CNTNAP5: variants seen among roughly 807,000 people sequenced by gnomAD.
The protein encoded by CNTNAP5 is contactin-associated protein-like 5.
Under a neutral mutation model 150.2 loss-of-function variants are expected in CNTNAP5, and 72 were observed. The observed-to-expected ratio is 0.48, with a 90% CI of 0.40 to 0.58. The LOEUF (loss-of-function observed/expected upper bound fraction) is 0.58, where lower values mean the gene tolerates loss of function less well. Among genes scored for constraint, CNTNAP5 ranks in the 20% least tolerant of loss-of-function variants. The pLI is 0.00. For missense variants in CNTNAP5, 1,636 were observed against 1,626.2 expected, an observed-to-expected ratio of 1.01 and a Z score of -0.10; for synonymous variants, 672 against 619.8, an observed-to-expected ratio of 1.08 and a Z score of -1.25.
At chr2:124,297,773 C>T (rs921807131) in intron 3 of CNTNAP5, among the ~76,000 whole-genome samples, 3 of 150,874 alleles carry the variant, frequency 2.0e-5, no homozygotes, top group African/African-American at 4.9e-5. Flanking sequence ...TGCCACCCAT[C>T]GGAGAACTAC....
chr2:124,232,826 C>A (rs759820335), intron 2 of CNTNAP5, among the ~76,000 whole-genome samples: 4 of 152,214 alleles, frequency 2.6e-5, no homozygotes, highest in African/African-American at 9.6e-5. Flanking sequence ...AATCAGAAAG[C>A]GTTCTGGGGT....
chr2:124,558,455 G>C (rs1266067214), intron 10 of CNTNAP5, among the ~76,000 whole-genome samples: 1 of 152,276 alleles, frequency 6.6e-6, no homozygotes, highest in African/African-American at 2.4e-5. Flanking sequence ...ACACCCACGT[G>C]GAGCTGTCCA....
chr2:124,902,164 C>T (rs1180044178), intron 21 of CNTNAP5, among the ~76,000 whole-genome samples: 1 of 152,096 alleles, frequency 6.6e-6, no homozygotes, highest in East Asian at 1.9e-4. Context: ...ACTGAGTAAT[C>T]TTACCACCAA....
intron 11 of CNTNAP5, among the ~76,000 whole-genome samples, chr2:124,606,950 C>T (rs1336406222): frequency 1.3e-5 from 2 of 151,952 alleles, no homozygotes; most frequent in African/African-American, 4.8e-5. Context: ...GGAGAGGCAA[C>T]AAGTCATGAA....
At chr2:124,691,223 G>A (rs1424642582) in intron 13 of CNTNAP5, among the ~76,000 whole-genome samples, 1 of 152,120 alleles carries the variant, frequency 6.6e-6, no homozygotes, top group East Asian at 1.9e-4. Flanking sequence ...TCTCTGCGTA[G>A]CATTCTTCCT....
At chr2:124,700,007 C>T (rs974127060) in intron 13 of CNTNAP5, among the ~76,000 whole-genome samples, 3 of 152,142 alleles carry the variant, frequency 2.0e-5, no homozygotes, top group Admixed American at 6.5e-5. Flanking sequence ...AACTTCTCTC[C>T]ATTCTCTTCT....
chr2:124,265,954 A>G (rs1181935024), intron 3 of CNTNAP5, among the ~76,000 whole-genome samples: 2 of 152,118 alleles, frequency 1.3e-5, no homozygotes, highest in South Asian at 2.1e-4. Context: ...AGTGTTGACA[A>G]CCTTCTCTCA....
intron 11 of CNTNAP5, among the ~76,000 whole-genome samples, chr2:124,565,791 G>A (rs1044491117): frequency 1.3e-5 from 2 of 151,758 alleles, no homozygotes; most frequent in South Asian, 2.1e-4. Flanking sequence ...AGTAGAGACG[G>A]GGTTTCACCG....
At chr2:124,344,724 G>A (rs927784681) in intron 3 of CNTNAP5, among the ~76,000 whole-genome samples, 1 of 152,172 alleles carries the variant, frequency 6.6e-6, no homozygotes, top group African/African-American at 2.4e-5. Context: ...CCACTTCACT[G>A]CAGCACGGGT....
intron 13 of CNTNAP5, among the ~76,000 whole-genome samples, chr2:124,654,032 G>A (rs1217551679): frequency 6.6e-6 from 1 of 151,942 alleles, no homozygotes; most frequent in African/African-American, 2.4e-5. Context: ...ATGAGGTGGT[G>A]GGAAAGTCCT....
At chr2:124,404,375 A>G (rs1691514331) in intron 3 of CNTNAP5, among the ~76,000 whole-genome samples, 1 of 151,344 alleles carries the variant, frequency 6.6e-6, no homozygotes. Flanking sequence ...GGCTGGCTAC[A>G]GTGAATTCAC....
chr2:124,811,705 G>GT (rs1682223688), intron 19 of CNTNAP5, among the ~76,000 whole-genome samples: 1 of 79,816 alleles, frequency 1.3e-5, no homozygotes, highest in Non-Finnish European at 2.5e-5. Flanking sequence ...ACTTTAGGAG[G>GT]CGGGGGGGGT....
At chr2:124,048,448 GT>G (rs1319874393) in intron 1 of CNTNAP5, among the ~76,000 whole-genome samples, 1 of 152,034 alleles carries the variant, frequency 6.6e-6, no homozygotes, top group Non-Finnish European at 1.5e-5. Context: ...AGTTTTATTG[GT>G]TTCTCCCAAG....
At chr2:124,608,298 A>G (rs1339573208) in intron 11 of CNTNAP5, among the ~76,000 whole-genome samples, 4 of 152,194 alleles carry the variant, frequency 2.6e-5, no homozygotes, top group East Asian at 1.9e-4. Context: ...ACAACATTCT[A>G]TATTCTCATA....
chr2:124,095,445 G>A (rs1682912647), intron 1 of CNTNAP5, among the ~76,000 whole-genome samples: 1 of 152,050 alleles, frequency 6.6e-6, no homozygotes, highest in South Asian at 2.1e-4. Flanking sequence ...AAACCACCAT[G>A]GCAGATGTAT....
At chr2:124,791,870 C>T (rs540820174) in intron 18 of CNTNAP5, among the ~76,000 whole-genome samples, 12 of 151,928 alleles carry the variant, frequency 7.9e-5, no homozygotes, top group Non-Finnish European at 1.8e-4. Flanking sequence ...TCATATGCTT[C>T]GTATTTTACT....
intron 1 of CNTNAP5, among the ~76,000 whole-genome samples, chr2:124,103,706 A>T (rs1285785094): frequency 6.6e-6 from 1 of 151,908 alleles, no homozygotes; most frequent in Non-Finnish European, 1.5e-5. Flanking sequence ...GCGTGTAAGG[A>T]CACACTGATG....
chr2:124,061,644 T>G (rs189590286), intron 1 of CNTNAP5, among the ~76,000 whole-genome samples: 53 of 152,302 alleles, frequency 3.5e-4, no homozygotes, highest in African/African-American at 1.0e-3. Context: ...GTTGTATATC[T>G]AAGACACACA....
At chr2:124,648,769 T>A (rs956583154) in intron 13 of CNTNAP5, among the ~76,000 whole-genome samples, 1 of 152,208 alleles carries the variant, frequency 6.6e-6, no homozygotes, top group African/African-American at 2.4e-5. Context: ...CATTTTTTTG[T>A]GAATGTCAGT....
Sources: gnomAD v4.1 joint callset for allele counts (sites outside exome capture counted in the v4.1 genomes callset) on GRCh38, gnomAD v4.1.1 for gene constraint, MANE v1.5 for transcripts, NCBI Gene and HGNC (gene_info 2026-07-23, HGNC 2026-07-21) for gene names.